The following CDH4 variants were observed in gnomAD, a reference collection of about 807,000 sequenced individuals.
CDH4 encodes cadherin-4.
CDH4 carries 33 observed loss-of-function variants against 86.0 expected under a neutral mutation model. The ratio of observed to expected loss-of-function variants is 0.38; its 90% confidence interval spans 0.29 to 0.51. The LOEUF is 0.51. Among genes scored for constraint, CDH4 ranks in the 20% least tolerant of loss-of-function variants. The pLI is 0.86. For synonymous variants in CDH4, 555 were observed against 549.4 expected (o/e 1.01, Z -0.14); for missense variants, 1,114 against 1,307.4 (o/e 0.85, Z 2.28).
chr20:61,665,947 G>A (rs1057202500), intron 2 of CDH4, among the ~76,000 whole-genome samples: 5 of 152,310 alleles, frequency 3.3e-5, no homozygotes, highest in African/African-American at 7.2e-5. Context: ...AAGGTCACGC[G>A]TTGGAAGGTT....
rs1016670655 is a variant in CDH4, at chr20:61,754,905, G to C, written c.396+11116G>C. On this transcript the variant is annotated intron_variant, in intron 3 of 15. Transcript: ENST00000614565. This position sits in a 1 kb window ranked among gnomAD's most constrained non-coding sequence, Gnocchi z 4.7. ...ATATACCCTGCACATACCACACACA[G>C]AGTGCGTGCCTGTATTAGTCCGTTT... 6.6e-5 allele frequency: 10 copies of C among 151,652 alleles called. No individual in the cohort carries two copies. Among genetic ancestry groups the C allele is most frequent in the East Asian group, 2.0e-4 (1 of 5,022 alleles). The allele number at this position is 151,652 out of a possible 1,614,324, so 9.4% of individuals were successfully genotyped here. A position where few individuals can be genotyped will look rare whatever the true frequency, so the allele number is the denominator to read the frequency against.
intron 4 of CDH4, among the ~76,000 whole-genome samples, chr20:61,831,915 C>T (rs1191005762): frequency 1.3e-5 from 2 of 152,238 alleles, no homozygotes; most frequent in Non-Finnish European, 2.9e-5. Context: ...CACAGGCACC[C>T]GACAGGTAGG....
chr20:61,289,112 C>CT (rs1214962480), intron 2 of CDH4, among the ~76,000 whole-genome samples: 2 of 152,248 alleles, frequency 1.3e-5, no homozygotes, highest in Non-Finnish European at 2.9e-5. Context: ...TGCAGACACT[C>CT]TGAGCAAGAT....
At chr20:61,763,083 C>A (rs140998842) in intron 3 of CDH4, among the ~76,000 whole-genome samples, 1 of 152,300 alleles carries the variant, frequency 6.6e-6, no homozygotes, top group Non-Finnish European at 1.5e-5. Context: ...GGCCGCTGGG[C>A]GGGATGACAA....
intron 2 of CDH4, among the ~76,000 whole-genome samples, chr20:61,373,371 G>T (rs1359971977): frequency 6.6e-6 from 1 of 152,254 alleles, no homozygotes; most frequent in Non-Finnish European, 1.5e-5. Context: ...AATGAAATGG[G>T]CTATGCCCTT....
At chr20:61,609,693 CT>C (rs1217013795) in intron 2 of CDH4, among the ~76,000 whole-genome samples, 1 of 152,232 alleles carries the variant, frequency 6.6e-6, no homozygotes, top group East Asian at 1.9e-4. Context: ...CACCTCGTGT[CT>C]TCCCTAATCC....
intron 2 of CDH4, among the ~76,000 whole-genome samples, chr20:61,352,867 T>C (rs1455241247): frequency 3.3e-5 from 5 of 152,108 alleles, no homozygotes; most frequent in Non-Finnish European, 7.3e-5. Context: ...CCCGTGCACC[T>C]GTGAGACGCT....
At position 61,411,025 on chromosome 20, in the gene CDH4, CCCACACAACCGT is replaced by C. The variant is rs1474655240; in HGVS notation, c.169+156092_169+156103del. ...CATTCATCCATCTTTCCATTATCCA[CCCACACAACCGT>C]CCATTCATCCTCCTGTCCATCTTCC... On this transcript the variant is annotated intron_variant, in intron 2 of 15. Coordinates refer to ENST00000614565, the MANE Select transcript of CDH4 (RefSeq NM_001794.5). Among the ~76,000 whole-genome samples, 3 of 152,042 alleles carry C rather than the reference CCCACACAACCGT, an allele frequency of 2.0e-5. No homozygotes were observed. In the East Asian group the frequency reaches 5.8e-4, roughly 30 times the overall value.
In CDH4 at chr20:61,516,058, C is replaced by T. The variant is rs957666769; in HGVS notation, c.170-227505C>T. 4.6e-5 allele frequency among the ~76,000 whole-genome samples: 7 copies of T among 152,166 alleles called. No individual in the cohort carries two copies. Among genetic ancestry groups the T allele is most frequent in the Non-Finnish European group, 8.8e-5 (6 of 68,030 alleles). On this transcript the variant is annotated intron_variant, in intron 2 of 15. Coordinates refer to ENST00000614565, the MANE Select transcript of CDH4 (RefSeq NM_001794.5). The surrounding 1 kb of genome is among the most constrained non-coding windows in gnomAD (Gnocchi z 4.0). Reference sequence around the variant, plus strand: ...GAACGCCCCCCCAATACGATTCCACCGCAGGCAGGCAGCTCCCTCACCACA... The same window carrying T: ...GAACGCCCCCCCAATACGATTCCACTGCAGGCAGGCAGCTCCCTCACCACA...
intron 2 of CDH4, among the ~76,000 whole-genome samples, chr20:61,543,911 A>G (rs2086058021): frequency 6.6e-6 from 1 of 152,330 alleles, no homozygotes; most frequent in Non-Finnish European, 1.5e-5. Flanking sequence ...CTAGGATTCT[A>G]GAAACAGCTC....
At chr20:61,688,478 G>A (rs548119579) in intron 2 of CDH4, among the ~76,000 whole-genome samples, 2 of 152,284 alleles carry the variant, frequency 1.3e-5, no homozygotes, top group African/African-American at 4.8e-5. Flanking sequence ...GGGTCTTCAC[G>A]TGCCCTGCCC....
chr20:61,321,090 G>A (rs2084505818), intron 2 of CDH4, among the ~76,000 whole-genome samples: 1 of 152,180 alleles, frequency 6.6e-6, no homozygotes, highest in Admixed American at 6.5e-5. Context: ...GACCTACCTA[G>A]TCCCGCCTGT....
intron 2 of CDH4, among the ~76,000 whole-genome samples, chr20:61,541,768 G>A (rs2086041364): frequency 6.6e-6 from 1 of 152,170 alleles, no homozygotes; most frequent in Non-Finnish European, 1.5e-5. Context: ...GTGGGTCCAT[G>A]TTACTCTAGC....
At chr20:61,388,730 G>A (rs2084965435) in intron 2 of CDH4, among the ~76,000 whole-genome samples, 2 of 152,208 alleles carry the variant, frequency 1.3e-5, no homozygotes, top group African/African-American at 2.4e-5. Flanking sequence ...TATGGTTTGT[G>A]TATACATGTG....
chr20:61,770,172 G>T (rs977048045), intron 3 of CDH4, among the ~76,000 whole-genome samples: 1 of 152,168 alleles, frequency 6.6e-6, no homozygotes, highest in Non-Finnish European at 1.5e-5. Flanking sequence ...TCATCATGAG[G>T]GGCTGAAGTC....
At chr20:61,662,789 G>T (rs995241227) in intron 2 of CDH4, among the ~76,000 whole-genome samples, 3 of 152,174 alleles carry the variant, frequency 2.0e-5, no homozygotes, top group Non-Finnish European at 2.9e-5. Flanking sequence ...ACGCAAATGG[G>T]AGGTACCGTT....
chr20:61,389,027 T>C (rs1289381882), intron 2 of CDH4, among the ~76,000 whole-genome samples: 1 of 152,276 alleles, frequency 6.6e-6, no homozygotes, highest in Non-Finnish European at 1.5e-5. Flanking sequence ...AAAGGACATA[T>C]TTTAAAAGCT....
chr20:61,556,589 G>A (rs758983655), intron 2 of CDH4, among the ~76,000 whole-genome samples: 2 of 152,180 alleles, frequency 1.3e-5, no homozygotes, highest in Non-Finnish European at 2.9e-5. Flanking sequence ...ATCACACGGC[G>A]AAGACTCTGT....
intron 2 of CDH4, among the ~76,000 whole-genome samples, chr20:61,662,477 G>A (rs1453217018): frequency 1.3e-5 from 2 of 152,340 alleles, no homozygotes; most frequent in African/African-American, 4.8e-5. Context: ...CTGCCCAAAG[G>A]CACAGGGAAG....
Sources: allele counts gnomAD v4.1 joint callset (sites outside exome capture counted in the v4.1 genomes callset), GRCh38; gene constraint gnomAD v4.1.1; non-coding constraint Gnocchi (gnomAD v3.1); transcripts MANE v1.5; gene names NCBI Gene and HGNC (gene_info 2026-07-23, HGNC 2026-07-21).